Variants in EML5 observed in about 807,000 individuals in gnomAD.
The protein encoded by EML5 is EMAP like 5, also known as echinoderm microtubule-associated protein-like 5.
EML5 carries 120 observed loss-of-function variants against 250.0 expected under a neutral mutation model. The observed-to-expected ratio is 0.48, with a 90% confidence interval of 0.41 to 0.56. The LOEUF (loss-of-function observed/expected upper bound fraction) is 0.56, where lower values mean the gene tolerates loss of function less well. Ranked by LOEUF, EML5 falls within the 20% of genes least tolerant of loss-of-function variation. The probability of loss-of-function intolerance (pLI) is 0.00; values close to 1 mark genes in which losing one functional copy is unlikely to be tolerated. For synonymous variants in EML5, 771 were observed against 806.5 expected (o/e 0.96, Z 0.75); for missense variants, 2,006 against 2,437.6 (o/e 0.82, Z 3.73).
intron 10 of EML5, among the ~76,000 whole-genome samples, chr14:88,709,090 C>T (rs1338934144): frequency 1.3e-5 from 2 of 151,728 alleles, no homozygotes; most frequent in East Asian, 1.9e-4. Flanking sequence ...TATATGGTAT[C>T]AATATGACAA....
intron 24 of EML5, among the ~76,000 whole-genome samples, chr14:88,662,339 G>GTTTT (rs71127000): frequency 0.011 from 599 of 55,598 alleles, 52 homozygotes; most frequent in African/African-American, 0.034. Context: ...AATTTTTCTT[G>GTTTT]TTTTTTTTTT....
chr14:88,694,524 T>C, intron 16 of EML5, 117 bp from the exon 17 acceptor site: 1 of 699,388 alleles, frequency 1.4e-6, no homozygotes, highest in Non-Finnish European at 2.3e-6. Context: ...CTCCCACTTA[T>C]CTCTCAGGTT....
At chr14:88,750,134 A>G (rs1488942541) in intron 2 of EML5, among the ~76,000 whole-genome samples, 9 of 152,180 alleles carry the variant, frequency 5.9e-5, no homozygotes. Context: ...TTCACTTACT[A>G]TAGACAGCTT....
chr14:88,682,000 G>A lies in EML5; in HGVS notation c.3014C>T (p.Ala1005Val). The change falls in exon 21 of 44, where the codon GCT becomes GTT. Residue 1005 changes from alanine to valine, a missense_variant. Ala to Val is a moderately conservative substitution (Grantham distance 64). Coordinates refer to ENST00000554922, the MANE Select transcript of EML5 (RefSeq NM_183387.3). ...ACAGATGGGCAGATAAGGGTGTGTAGCTAAACCCCACACCTCTCCTTCCAT... is the reference window on the plus strand; with the variant it reads ...ACAGATGGGCAGATAAGGGTGTGTAACTAAACCCCACACCTCTCCTTCCAT... ...GHMEGEVWGLATHPYLPICAT... is the reference protein window; with the variant it reads ...GHMEGEVWGLVTHPYLPICAT... 1 of 1,611,144 alleles carries A rather than the reference G, an allele frequency of 6.2e-7. No individual in the cohort carries two copies. Among genetic ancestry groups the A allele is most frequent in the Non-Finnish European group, 8.5e-7 (1 of 1,178,946 alleles).
intron 19 of EML5, 122 bp from the exon 20 acceptor site, chr14:88,685,264 T>C: frequency 1.4e-6 from 1 of 737,678 alleles, no homozygotes; most frequent in South Asian, 3.0e-5. Context: ...TCCTGTATTT[T>C]AAGTATTCTA....
chr14:88,673,509 A>G (rs1213583023), intron 21 of EML5, among the ~76,000 whole-genome samples: 2 of 152,238 alleles, frequency 1.3e-5, no homozygotes, highest in Non-Finnish European at 2.9e-5. Context: ...TCAACATAGT[A>G]TTGGAAGTTC....
At chr14:88,660,121 A>T (rs909233430) in intron 25 of EML5, among the ~76,000 whole-genome samples, 86 of 150,976 alleles carry the variant, frequency 5.7e-4, no homozygotes, top group South Asian at 8.4e-4. Context: ...ACAAAAAAAA[A>T]TTTTTTTTTA....
intron 31 of EML5, among the ~76,000 whole-genome samples, chr14:88,640,999 G>A (rs2091032974): frequency 6.6e-6 from 1 of 151,782 alleles, no homozygotes; most frequent in African/African-American, 2.4e-5. Flanking sequence ...AGAAGAAGAA[G>A]AAGAAGAAAA....
intron 1 of EML5, among the ~76,000 whole-genome samples, chr14:88,780,261 T>C (rs2094484506): frequency 6.6e-6 from 1 of 152,096 alleles, no homozygotes; most frequent in Admixed American, 6.6e-5. Flanking sequence ...CCCGTGTTTC[T>C]GAAAATTCTG....
chr14:88,741,116 G>C (rs2093918830), intron 4 of EML5, among the ~76,000 whole-genome samples: 3 of 151,942 alleles, frequency 2.0e-5, no homozygotes, highest in Admixed American at 2.0e-4. Flanking sequence ...TGAGCCAAGA[G>C]TGTACCACTG....
Position 88,714,965 on chromosome 14 carries a change from C to A in EML5, c.1418G>T (p.Gly473Val). Residue 473 changes from glycine (G) to valine (V), a missense_variant, in exon 9 of 44, where the codon GGG becomes GTG. This residue lies in a region of EML5 where 1,375 missense variants were observed against 1,590.3 expected (regional missense o/e 0.86). Transcript: ENST00000554922. ...TGGCATTCTATAAAAAAGTCTTTTC[C>A]CATTTCCATCATTTGTCTGCAAATA... ...SRYLQTNDGN[G>V]KRLFYRMPGG... 6.2e-7 allele frequency: 1 copy of A among 1,612,330 alleles called. No homozygotes were observed. Among genetic ancestry groups the A allele is most frequent in the East Asian group, 2.2e-5 (1 of 44,814 alleles).
At chr14:88,663,570 G>T (rs547763734) in intron 23 of EML5, among the ~76,000 whole-genome samples, 6 of 152,136 alleles carry the variant, frequency 3.9e-5, no homozygotes, top group African/African-American at 1.2e-4. Context: ...CATGCATTCT[G>T]CTAAAATACA....
chr14:88,741,525 C>T (rs1050493414), intron 4 of EML5, among the ~76,000 whole-genome samples: 10 of 151,946 alleles, frequency 6.6e-5, no homozygotes, highest in Admixed American at 1.3e-4. Flanking sequence ...TTATAGTTCA[C>T]GGAGAGAAAT....
intron 31 of EML5, among the ~76,000 whole-genome samples, chr14:88,640,483 T>TA (rs979867107): frequency 2.0e-5 from 3 of 151,734 alleles, no homozygotes; most frequent in Non-Finnish European, 4.4e-5. Flanking sequence ...GGCAAAAATT[T>TA]AAAAAAAATC....
At chr14:88,686,501 C>G (rs1454479409) in intron 19 of EML5, among the ~76,000 whole-genome samples, 5 of 151,890 alleles carry the variant, frequency 3.3e-5, no homozygotes, top group African/African-American at 9.7e-5. Flanking sequence ...CTGATGCTGC[C>G]CTTGCACCCT....
chr14:88,768,667 C>T (rs1249029916), intron 1 of EML5, among the ~76,000 whole-genome samples: 3 of 152,198 alleles, frequency 2.0e-5, no homozygotes, highest in Non-Finnish European at 4.4e-5. Flanking sequence ...CCGCCTGGGC[C>T]TCCCAAAGTG....
Position 88,688,283 on chromosome 14 carries a change from A to G in EML5, c.2730T>C (p.His910=), listed in dbSNP as rs768654727. 3.1e-6 allele frequency: 5 copies of G among 1,613,788 alleles called. No homozygotes were observed. In the African/African-American group the frequency reaches 4.0e-5, roughly 13 times the overall value. Residue 910 remains histidine (H), a synonymous_variant, in exon 18 of 44, where the codon CAT becomes CAC. Transcript: ENST00000554922. ...TTAGGTTACTTACTTTTTCCAATGC[A>G]TGCATACTGAACACTGGCCCATCAT... ...KAHDGPVFSM[H]ALEKGFVTGG... is the part of the protein sequence containing the mutation.
chr14:88,660,295 AAAAG>A (rs1176088623), intron 25 of EML5, among the ~76,000 whole-genome samples: 1 of 151,786 alleles, frequency 6.6e-6, no homozygotes, highest in Non-Finnish European at 1.5e-5. Flanking sequence ...AAAAAAAAAA[AAAAG>A]AAAGGAATGC....
intron 14 of EML5, among the ~76,000 whole-genome samples, chr14:88,697,869 G>T (rs533428057): frequency 6.6e-6 from 1 of 151,960 alleles, no homozygotes; most frequent in South Asian, 2.1e-4. Flanking sequence ...CCAAGTAGCT[G>T]GGATTACAGG....
Sources: allele counts gnomAD v4.1 joint callset (sites outside exome capture counted in the v4.1 genomes callset), GRCh38; gene constraint gnomAD v4.1.1; regional missense constraint gnomAD v4.1.1; transcripts MANE v1.5; gene names NCBI Gene and HGNC (gene_info 2026-07-23, HGNC 2026-07-21).